Variants in SORCS1 observed in about 807,000 individuals in gnomAD.
The protein encoded by SORCS1 is sortilin related VPS10 domain containing receptor 1, also known as VPS10 domain-containing receptor SorCS1.
A neutral mutation model predicts 146.1 loss-of-function variants in SORCS1; 60 were observed. The ratio of observed to expected loss-of-function variants is 0.41; its 90% confidence interval spans 0.33 to 0.51. The LOEUF (loss-of-function observed/expected upper bound fraction) is 0.51. Among genes scored for constraint, SORCS1 ranks in the 20% least tolerant of loss-of-function variants. SORCS1 has a pLI of 0.21. For missense variants in SORCS1, 1,352 were observed against 1,487.6 expected (o/e 0.91, Z 1.50); for synonymous variants, 637 against 584.0 (o/e 1.09, Z -1.31).
intron 5 of SORCS1, among the ~76,000 whole-genome samples, chr10:106,738,891 C>T (rs922833652): frequency 4.5e-4 from 69 of 152,182 alleles, no homozygotes; most frequent in African/African-American, 1.6e-3. Flanking sequence ...TCTCACTATA[C>T]TGCCCCGGCT....
At chr10:106,956,408 G>T in intron 2 of SORCS1, 105 bp downstream of exon 2, 2 of 946,072 alleles carry the variant, frequency 2.1e-6, no homozygotes, top group Non-Finnish European at 3.3e-6. Context: ...AGCAAGCAGT[G>T]CATATCACCA....
intron 1 of SORCS1, among the ~76,000 whole-genome samples, chr10:107,092,325 G>A (rs1964241089): frequency 6.6e-6 from 1 of 152,192 alleles, no homozygotes; most frequent in South Asian, 2.1e-4. Context: ...TCTTTCTGCA[G>A]TGAAAACCAG....
At chr10:106,838,381 T>A (rs138038443) in intron 2 of SORCS1, among the ~76,000 whole-genome samples, 8 of 152,216 alleles carry the variant, frequency 5.3e-5, no homozygotes, top group Admixed American at 3.3e-4. Context: ...CCATTATCAA[T>A]ATCCTCCTTC....
rs10658432 is a variant in SORCS1 at position 106,674,328 on chromosome 10, CAAAAAAA to C, written c.1940+714_1940+720del. On this transcript the variant is annotated intron_variant, in intron 14 of 25. Coordinates refer to ENST00000263054, the MANE Select transcript of SORCS1 (RefSeq NM_052918.5). ...TGGGCGACAGAGTAAGACTCCGTCT[CAAAAAAA>C]AAAAAAAAAAAAAAAAAAAAAAGTA... Among the ~76,000 whole-genome samples, 19 of 27,372 alleles carry C rather than the reference CAAAAAAA, an allele frequency of 6.9e-4. 1 individual carries two copies. The highest frequency in any genetic ancestry group is 0.025 in the Middle Eastern group (1 of 40). 18.0% of individuals were successfully genotyped at this position (27,372 alleles called of 152,430 possible).
intron 23 of SORCS1, among the ~76,000 whole-genome samples, chr10:106,601,650 T>G (rs1846246709): frequency 6.6e-6 from 1 of 152,122 alleles, no homozygotes; most frequent in African/African-American, 2.4e-5. Context: ...GGGCCTTCAA[T>G]CAAGAAAGGT....
At chr10:106,785,434 C>G (rs1946011872) in intron 3 of SORCS1, among the ~76,000 whole-genome samples, 1 of 152,120 alleles carries the variant, frequency 6.6e-6, no homozygotes. Flanking sequence ...ACTTTTCTTT[C>G]ATGTGATGCC....
chr10:107,171,509 T>TC, the SORCS1 span, among the ~76,000 whole-genome samples: 198 of 115,662 alleles, frequency 1.7e-3, 1 homozygote, highest in African/African-American at 5.8e-3. Flanking sequence ...TCCAAGGGAA[T>TC]CCCCCTTTTT....
At chr10:106,760,962 C>A (rs760657714) in intron 5 of SORCS1, among the ~76,000 whole-genome samples, 16 of 151,964 alleles carry the variant, frequency 1.1e-4, no homozygotes, top group African/African-American at 1.7e-4. Flanking sequence ...CAAAAAGTAG[C>A]CAGGCATGGT....
At chr10:106,671,854 C>T (rs1589627132) in intron 15 of SORCS1, among the ~76,000 whole-genome samples, 1 of 152,206 alleles carries the variant, frequency 6.6e-6, no homozygotes, top group South Asian at 2.1e-4. Flanking sequence ...TTTTAATGTT[C>T]CTCTACCAGA....
chr10:106,953,749 G>A (rs1954812474), intron 2 of SORCS1, among the ~76,000 whole-genome samples: 1 of 152,120 alleles, frequency 6.6e-6, no homozygotes, highest in Non-Finnish European at 1.5e-5. Context: ...TAACATCATG[G>A]TATTTGTGTA....
At chr10:106,798,782 T>A (rs1946721013) in intron 3 of SORCS1, among the ~76,000 whole-genome samples, 1 of 152,206 alleles carries the variant, frequency 6.6e-6, no homozygotes, top group African/African-American at 2.4e-5. Context: ...GCATGATTTA[T>A]AATGCTTTGG....
chr10:106,593,423 CT>C (rs1304085963), intron 24 of SORCS1, among the ~76,000 whole-genome samples: 5 of 152,186 alleles, frequency 3.3e-5, no homozygotes, highest in African/African-American at 1.2e-4. Context: ...AAATCGAGCC[CT>C]GAGTGACTGT....
intron 5 of SORCS1, among the ~76,000 whole-genome samples, chr10:106,736,602 T>TTAA (rs1433395056): frequency 5.2e-5 from 2 of 38,758 alleles, no homozygotes; most frequent in African/African-American, 1.4e-4. Context: ...TAACCCTGGT[T>TTAA]AAAAAAAAAA....
At chr10:106,652,309 G>A in intron 18 of SORCS1, 73 bp downstream of exon 18, 1 of 1,412,572 alleles carries the variant, frequency 7.1e-7, no homozygotes, top group Non-Finnish European at 9.4e-7. Context: ...AAAAGATATG[G>A]AAACAAAACC....
intron 6 of SORCS1, among the ~76,000 whole-genome samples, chr10:106,717,599 G>T (rs1185229215): frequency 1.3e-5 from 2 of 152,200 alleles, no homozygotes; most frequent in Non-Finnish European, 2.9e-5. Flanking sequence ...AGGAGACCAT[G>T]ACTACTACAG....
At chr10:106,743,366 C>A (rs924460562) in intron 5 of SORCS1, among the ~76,000 whole-genome samples, 1 of 152,138 alleles carries the variant, frequency 6.6e-6, no homozygotes, top group African/African-American at 2.4e-5. Flanking sequence ...ACCAGTCCCA[C>A]CACACCACCA....
intron 3 of SORCS1, among the ~76,000 whole-genome samples, chr10:106,809,908 T>G (rs1947374798): frequency 6.6e-6 from 1 of 152,184 alleles, no homozygotes; most frequent in South Asian, 2.1e-4. Context: ...TAATAGCATC[T>G]TTTTGTGGGG....
chr10:106,614,879 C>G (rs1238895061), intron 21 of SORCS1, among the ~76,000 whole-genome samples: 12 of 152,182 alleles, frequency 7.9e-5, no homozygotes, highest in Non-Finnish European at 1.8e-4. Context: ...GAGATAAAGT[C>G]TATACACTTG....
chr10:106,983,836 G>A (rs926727162), intron 1 of SORCS1, among the ~76,000 whole-genome samples: 28 of 152,282 alleles, frequency 1.8e-4, no homozygotes, highest in African/African-American at 5.8e-4. Flanking sequence ...CACCTAAACC[G>A]TAGCAATTGT....
Sources: allele counts gnomAD v4.1 joint callset (sites outside exome capture counted in the v4.1 genomes callset), GRCh38; gene constraint gnomAD v4.1.1; transcripts MANE v1.5; gene names NCBI Gene and HGNC (gene_info 2026-07-23, HGNC 2026-07-21).